Variants in RNF7 observed in about 807,000 individuals in gnomAD.
RNF7 encodes RING-box protein 2.
RNF7 carries 9 observed loss-of-function variants against 17.0 expected under a neutral mutation model. The ratio of observed to expected loss-of-function variants is 0.53; its 90% CI spans 0.32 to 0.92. RNF7 has a LOEUF of 0.92. RNF7 is among the 40% of genes least tolerant of loss of function. The pLI is 0.04. For missense variants in RNF7, 87 were observed against 145.8 expected (o/e 0.60, Z 2.08); for synonymous variants, 59 against 50.5 (o/e 1.17, Z -0.72).
chr3:141,742,741 T>G, intron 1 of RNF7: 2 of 1,283,128 alleles, frequency 1.6e-6, no homozygotes, highest in Non-Finnish European at 2.0e-6. Flanking sequence ...CAGCCCTCGC[T>G]GTCCCCTCTG....
intron 1 of RNF7, chr3:141,742,846 G>A: frequency 1.8e-6 from 2 of 1,136,594 alleles, no homozygotes; most frequent in Non-Finnish European, 2.2e-6. Flanking sequence ...ACTCTCAAGT[G>A]TCTTAGGGTA....
chr3:141,743,430 C>CT (rs2084441393), intron 1 of RNF7, 79 bp from the exon 2 acceptor site: 12 of 1,088,668 alleles, frequency 1.1e-5, no homozygotes, highest in Non-Finnish European at 1.7e-5. Flanking sequence ...ACCCTTAGGG[C>CT]TTTTGACTTT....
At chr3:141,742,704 T>C (rs764220416) in intron 1 of RNF7, 1 of 1,228,228 alleles carries the variant, frequency 8.1e-7, no homozygotes, top group Non-Finnish European at 1.1e-6. Context: ...GCCAGTGAAA[T>C]GGGATTTGAC....
At position 141,742,223 on chromosome 3, in the gene RNF7, CTTT is replaced by C. The variant is rs1196270339; in HGVS notation, c.176-1267_176-1265del. Among the ~76,000 whole-genome samples, 1,052 of 109,448 alleles carry C rather than the reference CTTT, an allele frequency of 9.6e-3. 7 individuals are homozygous for C. The highest frequency in any genetic ancestry group is 0.036 in the African/African-American group (918 of 25,348). 71.8% of individuals were successfully genotyped at this position (109,448 alleles called of 152,430 possible). A position where few individuals can be genotyped will look rare whatever the true frequency, so the allele number is the denominator to read the frequency against. Reference sequence around the variant, plus strand: ...TCATCATTTAGCTCTCAAGCATTTTCTTTTTTTTTTTTTTTTTTTTTGAGACGG... The same window carrying C: ...TCATCATTTAGCTCTCAAGCATTTTCTTTTTTTTTTTTTTTTTTGAGACGG... On this transcript the variant is annotated intron_variant, in intron 1 of 2. Transcript: ENST00000273480.
At chr3:141,739,179 A>G (rs1479878226) in intron 1 of RNF7, among the ~76,000 whole-genome samples, 2 of 152,012 alleles carry the variant, frequency 1.3e-5, no homozygotes, top group Admixed American at 6.5e-5. Flanking sequence ...AAGAATATCT[A>G]AGTTTCATGG....
Position 141,746,888 on chromosome 3 carries a change from T to A in RNF7, c.*1611T>A, listed in dbSNP as rs1344063847. 1 of 152,222 alleles carries A rather than the reference T, an allele frequency of 6.6e-6. No individual in the cohort carries two copies. Among genetic ancestry groups the A allele is most frequent in the Non-Finnish European group, 1.5e-5 (1 of 68,030 alleles). The allele number at this position is 152,222 out of a possible 1,614,324, so 9.4% of individuals were successfully genotyped here. Reference sequence around the variant, plus strand: ...GTTGTCTTTCTAGCTACTGAAAAAATTATACAAATATCTTTGGCCATTTAA... The same window carrying A: ...GTTGTCTTTCTAGCTACTGAAAAAAATATACAAATATCTTTGGCCATTTAA... On this transcript the variant is annotated 3_prime_UTR_variant, in exon 3 of 3. Coordinates refer to ENST00000273480, the MANE Select transcript of RNF7 (RefSeq NM_014245.5).
intron 1 of RNF7, among the ~76,000 whole-genome samples, chr3:141,739,965 A>G (rs1201745007): frequency 6.6e-6 from 1 of 152,186 alleles, no homozygotes; most frequent in African/African-American, 2.4e-5. Flanking sequence ...TCGAGGCTAC[A>G]GTGAGCCTTG....
Position 141,738,529 on chromosome 3 carries a change from C to T in RNF7, c.175+13C>T, listed in dbSNP as rs761980057. ...GTCCAGGTGATGGGTAAGCGCTGCA[C>T]GCGAGTCCAGGGCCGCCCTGCGGCC... On this transcript the variant is annotated intron_variant, in intron 1 of 2. Transcript: ENST00000273480. 1 of 1,604,216 alleles carries T rather than the reference C, an allele frequency of 6.2e-7. No homozygotes were observed. Among genetic ancestry groups the T allele is most frequent in the African/African-American group, 1.3e-5 (1 of 74,402 alleles).
Position 141,742,860 on chromosome 3 carries a change from A to G in RNF7, c.176-649A>G, listed in dbSNP as rs941022791. 6.3e-6 allele frequency: 7 copies of G among 1,110,012 alleles called. No homozygotes were observed. The Admixed American group carries it at 1.4e-4, about 22-fold the overall frequency. 68.8% of individuals were successfully genotyped at this position (1,110,012 alleles called of 1,614,324 possible). ...AACTCTCAAGTGTCTTAGGGTAGAA[A>G]GTAAAAAGTTGCTTCTTATGAGTTG... On this transcript the variant is annotated intron_variant, in intron 1 of 2. Coordinates refer to ENST00000273480, the MANE Select transcript of RNF7 (RefSeq NM_014245.5).
Position 141,746,676 on chromosome 3 carries a change from A to G in RNF7, c.*1399A>G, listed in dbSNP as rs1035856037. On this transcript the variant is annotated 3_prime_UTR_variant, in exon 3 of 3. Coordinates refer to ENST00000273480, the MANE Select transcript of RNF7 (RefSeq NM_014245.5). ...ATATGAATTTAAGAAAAAACCTTAG[A>G]ATCTTAACTTTTCACATCTGCAGAT... is the stretch of plus-strand genomic sequence containing the variant. The G allele has an allele frequency of 1.8e-4, 27 of 151,912 alleles. No homozygotes were observed. The highest frequency in any genetic ancestry group is 5.1e-4 in the African/African-American group (21 of 41,148). The allele number at this position is 151,912 out of a possible 1,614,324, so 9.4% of individuals were successfully genotyped here. A position where few individuals can be genotyped will look rare whatever the true frequency, so the allele number is the denominator to read the frequency against.
At chr3:141,742,772 C>A in intron 1 of RNF7, 1 of 1,276,778 alleles carries the variant, frequency 7.8e-7, no homozygotes, top group Non-Finnish European at 1.0e-6. Flanking sequence ...TTCTCACCAG[C>A]CTTGTCTGGA....
rs1276134570 is a variant in RNF7, at chr3:141,746,282, GA to G, written c.*1006del. ...GTGGGCCACTGCACCTGGCCCAGAT[GA>G]TATAATTTAACTGTGTTTTAGGTAA... On this transcript the variant is annotated 3_prime_UTR_variant, in exon 3 of 3. Coordinates refer to ENST00000273480, the MANE Select transcript of RNF7 (RefSeq NM_014245.5). The G allele has an allele frequency of 2.6e-5, 4 of 152,060 alleles. No individual in the cohort carries two copies. Among genetic ancestry groups the G allele is most frequent in the African/African-American group, 9.7e-5 (4 of 41,410 alleles). 9.4% of individuals were successfully genotyped at this position (152,060 alleles called of 1,614,324 possible).
chr3:141,738,934 A>G (rs1065369), intron 1 of RNF7, among the ~76,000 whole-genome samples: 276 of 152,364 alleles, frequency 1.8e-3, no homozygotes, highest in Non-Finnish European at 3.4e-3. Flanking sequence ...TGGTCAGGGT[A>G]AAGGCCGTGA....
intron 1 of RNF7, among the ~76,000 whole-genome samples, chr3:141,739,029 C>T (rs1381662903): frequency 6.6e-6 from 1 of 152,144 alleles, no homozygotes; most frequent in African/African-American, 2.4e-5. Context: ...CTTAGTTCTC[C>T]TCGAGGGACG....
intron 1 of RNF7, among the ~76,000 whole-genome samples, chr3:141,741,203 G>A (rs1478263323): frequency 6.6e-6 from 1 of 152,212 alleles, no homozygotes; most frequent in Non-Finnish European, 1.5e-5. Flanking sequence ...CACAGAACTA[G>A]CGCCAGATTC....
rs1196270339 is a variant in RNF7 at position 141,742,223 on chromosome 3, C to CT, written c.176-1265dup. 9.3e-3 allele frequency among the ~76,000 whole-genome samples: 1,016 copies of CT among 109,414 alleles called. 7 individuals carry two copies. The highest frequency in any genetic ancestry group is 0.022 in the East Asian group (89 of 4,048). The allele number at this position is 109,414 out of a possible 152,430, so 71.8% of individuals were successfully genotyped here. ...TCATCATTTAGCTCTCAAGCATTTT[C>CT]TTTTTTTTTTTTTTTTTTTTTGAGA... is the stretch of plus-strand genomic sequence containing the variant. On this transcript the variant is annotated intron_variant, in intron 1 of 2. Transcript: ENST00000273480.
rs1452453678 is a variant in RNF7, at chr3:141,745,233, CCT to C, written c.303_304del (p.Cys102ProfsTer38). The C allele has an allele frequency of 6.2e-7, 1 of 1,612,986 alleles. No homozygotes were observed. The highest frequency in any genetic ancestry group is 2.2e-5 in the East Asian group (1 of 44,864). ...SLWVKQNNRC[P>X]LCQQDWVVQR... ...GTGGGTGAAACAGAACAATCGCTGCCCTCTCTGCCAGCAGGACTGGGTGGTCC... is the reference window on the plus strand; with the variant it reads ...GTGGGTGAAACAGAACAATCGCTGCCCTCTGCCAGCAGGACTGGGTGGTCC... On this transcript the variant is annotated frameshift_variant, in exon 3 of 3. Transcript: ENST00000273480. LOFTEE classifies it high-confidence loss of function.
At position 141,745,177 on chromosome 3, in the gene RNF7, A is replaced by G; in HGVS notation, c.242A>G (p.Asn81Ser). 6.2e-7 allele frequency: 1 copy of G among 1,613,050 alleles called. No homozygotes were observed. The highest frequency in any genetic ancestry group is 1.3e-5 in the African/African-American group (1 of 75,012). ...CTTTCAGTGGTCTGGGGAGAATGTA[A>G]TCATTCCTTCCACAACTGCTGCATG... Reference protein sequence around the residue: ...EDCVVVWGECNHSFHNCCMSL... With the variant: ...EDCVVVWGECSHSFHNCCMSL... The change falls in exon 3 of 3, where the codon AAT becomes AGT. Residue 81 changes from asparagine to serine, a missense_variant. By Grantham distance (46) the Asn-to-Ser change is conservative (BLOSUM62 1). Coordinates refer to ENST00000273480, the MANE Select transcript of RNF7 (RefSeq NM_014245.5).
rs1185020846 is a variant in RNF7 at position 141,747,504 on chromosome 3, G to A, written c.*2227G>A. On this transcript the variant is annotated 3_prime_UTR_variant, in exon 3 of 3. Transcript: ENST00000273480. The stretch of plus-strand genomic sequence containing the variant: ...TTGCTTCCTTTTTTATAAAAATACT[G>A]TGTCCCCCTTTACTGTCATGAAGTG... 1 of 152,122 alleles carries A rather than the reference G, an allele frequency of 6.6e-6. No homozygotes were observed. Among genetic ancestry groups the A allele is most frequent in the East Asian group, 1.9e-4 (1 of 5,202 alleles). The allele number at this position is 152,122 out of a possible 1,614,324, so 9.4% of individuals were successfully genotyped here.
Sources: gnomAD v4.1 joint callset for allele counts (sites outside exome capture counted in the v4.1 genomes callset) on GRCh38, gnomAD v4.1.1 for gene constraint, MANE v1.5 for transcripts, NCBI Gene and HGNC (gene_info 2026-07-23, HGNC 2026-07-21) for gene names.